PRG4: variants seen among roughly 807,000 people sequenced by gnomAD.
PRG4 encodes the protein proteoglycan 4.
PRG4 carries 61 observed loss-of-function variants against 91.2 expected under a neutral mutation model. The observed-to-expected ratio is 0.67, with a 90% CI of 0.54 to 0.83. The LOEUF is 0.83. Ranked by LOEUF, PRG4 falls within the 40% of genes least tolerant of loss-of-function variation. The pLI is 0.00. For missense variants in PRG4, 1,564 were observed against 1,714.2 expected, an observed-to-expected ratio of 0.91 and a Z score of 1.55; for synonymous variants, 576 against 614.2, an observed-to-expected ratio of 0.94 and a Z score of 0.92.
intron 4 of PRG4, among the ~76,000 whole-genome samples, chr1:186,303,261 C>T (rs1332082301): frequency 6.6e-6 from 1 of 152,086 alleles, no homozygotes; most frequent in African/African-American, 2.4e-5. Context: ...AGATCTGTTT[C>T]TCAAATTGAG....
chr1:186,312,672 G>T, intron 11 of PRG4, 97 bp from the exon 12 acceptor site: 1 of 1,306,674 alleles, frequency 7.7e-7, no homozygotes, highest in Non-Finnish European at 1.1e-6. Context: ...CTACATCAGA[G>T]GGCTAAAACT....
intron 8 of PRG4, among the ~76,000 whole-genome samples, chr1:186,310,437 G>C (rs1201745707): frequency 6.6e-6 from 1 of 152,114 alleles, no homozygotes; most frequent in Non-Finnish European, 1.5e-5. Flanking sequence ...TTAGTTCTAA[G>C]AGATAAAGAA....
intron 2 of PRG4, among the ~76,000 whole-genome samples, chr1:186,298,873 T>C (rs1464994421): frequency 2.0e-5 from 3 of 152,020 alleles, no homozygotes; most frequent in African/African-American, 4.8e-5. Flanking sequence ...TTTTTCTTTA[T>C]ATATAATATA....
At position 186,307,577 on chromosome 1, in the gene PRG4, AC is replaced by A. The variant is rs1656782016; in HGVS notation, c.1863del (p.Lys622ArgfsTer290). 1 of 1,527,836 alleles carries A rather than the reference AC, an allele frequency of 6.5e-7. No homozygotes were observed. The highest frequency in any genetic ancestry group is 1.9e-5 in the Admixed American group (1 of 52,230). 94.6% of individuals were successfully genotyped at this position (1,527,836 alleles called of 1,614,324 possible). A position where few individuals can be genotyped will look rare whatever the true frequency, so the allele number is the denominator to read the frequency against. ...TACCCCCAAGGAGACTGCACCCACCACCCCCAAGAAGCTCACGCCCACCACC... is the reference window on the plus strand; with the variant it reads ...TACCCCCAAGGAGACTGCACCCACCACCCCAAGAAGCTCACGCCCACCACC... The part of the protein sequence containing the change: ...PTTPKETAPT[T>X]PKKLTPTTPE... On this transcript the variant is annotated frameshift_variant, in exon 7 of 13. Coordinates refer to ENST00000445192, the MANE Select transcript of PRG4 (RefSeq NM_005807.6). LOFTEE classifies it high-confidence loss of function.
chr1:186,298,491 C>CT (rs552065983), intron 2 of PRG4, among the ~76,000 whole-genome samples: 197 of 146,456 alleles, frequency 1.3e-3, no homozygotes, highest in Middle Eastern at 3.5e-3. Flanking sequence ...ATGATTTCCT[C>CT]TTTTTTTTTT....
rs1277443701 is a variant in PRG4, at chr1:186,312,756, A to C, written c.3992-13A>C. On this transcript the variant is annotated splice_polypyrimidine_tract_variant and intron_variant, in intron 11 of 12. Transcript: ENST00000445192. ...TTTAATCTGGTATCTTTTATTAAAC[A>C]TGCCACTTACAGGTGTCCTTCATAA... 1 of 1,612,044 alleles carries C rather than the reference A, an allele frequency of 6.2e-7. No individual in the cohort carries two copies. The highest frequency in any genetic ancestry group is 1.7e-5 in the Admixed American group (1 of 59,990).
intron 4 of PRG4, 112 bp downstream of exon 4, chr1:186,301,823 A>G: frequency 1.4e-6 from 2 of 1,386,734 alleles, no homozygotes; most frequent in South Asian, 2.3e-5. Flanking sequence ...TGATTTTACT[A>G]ACATATAAGC....
rs1398090310 is a variant in PRG4 at position 186,306,796 on chromosome 1, A to T, written c.1077A>T (p.Ala359=). 2 of 1,611,696 alleles carry T rather than the reference A, an allele frequency of 1.2e-6. No individual in the cohort carries two copies. Among genetic ancestry groups the T allele is most frequent in the South Asian group, 1.1e-5 (1 of 90,974 alleles). The change falls in exon 7 of 13, where the codon GCA becomes GCT. Residue 359 remains alanine, a synonymous_variant. Transcript: ENST00000445192. ...EPTPTTPKEP[A]STTPKEPTPT... ...CGCCCACCACTCCCAAGGAGCCTGCATCTACCACACCCAAAGAGCCCACAC... is the reference window on the plus strand; with the variant it reads ...CGCCCACCACTCCCAAGGAGCCTGCTTCTACCACACCCAAAGAGCCCACAC...
intron 7 of PRG4, 147 bp downstream of exon 7, chr1:186,309,287 T>G (rs1242812934): frequency 3.6e-6 from 3 of 829,908 alleles, no homozygotes; most frequent in Non-Finnish European, 5.9e-6. Context: ...TCCCTGTAGG[T>G]AAGCAGAGGT....
chr1:186,304,696 T>C (rs1034503473), intron 5 of PRG4, 98 bp from the exon 6 acceptor site: 7 of 1,443,786 alleles, frequency 4.8e-6, no homozygotes, highest in East Asian at 2.3e-5. Context: ...CAGATACTTG[T>C]AGACTAGTAA....
chr1:186,301,903 C>G (rs1656243359), intron 4 of PRG4, among the ~76,000 whole-genome samples, 192 bp downstream of exon 4: 1 of 152,198 alleles, frequency 6.6e-6, no homozygotes, highest in African/African-American at 2.4e-5. Flanking sequence ...GCAGAACCCC[C>G]AGGCTCAGCC....
chr1:186,306,257 T>C, intron 6 of PRG4, 61 bp from the exon 7 acceptor site: 1 of 1,321,708 alleles, frequency 7.6e-7, no homozygotes, highest in Non-Finnish European at 1.0e-6. Flanking sequence ...ATGGGATCTT[T>C]ATGTCACTAT....
chr1:186,300,156 T>G lies in PRG4; in HGVS notation c.142T>G (p.Tyr48Asp), dbSNP rs1205077505. The stretch of plus-strand genomic sequence containing the variant: ...TAGAGATGCCACCTGCAACTGTGAT[T>G]ATAACTGTCAACACTACATGGAGTG... ...YSRDATCNCDYNCQHYMECCP... is the reference protein window; with the variant it reads ...YSRDATCNCDDNCQHYMECCP... Residue 48 changes from tyrosine (Y) to aspartate (D), a missense_variant, in exon 3 of 13, where the codon TAT (tyrosine) becomes GAT (aspartate). Physicochemically the swap from Tyr to Asp is radical, Grantham distance 160 (BLOSUM62 -3). This residue lies in a region of PRG4 where 437 missense variants were observed against 459.0 expected (regional missense o/e 0.95). Transcript: ENST00000445192. 1 of 1,614,170 alleles carries G rather than the reference T, an allele frequency of 6.2e-7. No homozygotes were observed.
At chr1:186,313,447 A>G in intron 12 of PRG4, 2 of 486,904 alleles carry the variant, frequency 4.1e-6, no homozygotes, top group South Asian at 2.5e-5. Context: ...CATAAAGGAG[A>G]GCTGAACCTG....
chr1:186,300,707 TTAAAGA>T (rs1223018064), intron 3 of PRG4, among the ~76,000 whole-genome samples: 2 of 152,240 alleles, frequency 1.3e-5, no homozygotes, highest in Non-Finnish European at 2.9e-5. Context: ...AAAAGACACT[TTAAAGA>T]TAAAGTGCTA....
intron 8 of PRG4, among the ~76,000 whole-genome samples, chr1:186,310,135 T>TG (rs33985418): frequency 0.27 from 22,914 of 85,874 alleles, 3,235 homozygotes; most frequent in South Asian, 0.37. Flanking sequence ...TCATTTTTTT[T>TG]GGGGGGGGGG....
chr1:186,308,817 C>G lies in PRG4; in HGVS notation c.3098C>G (p.Ser1033Cys). Residue 1033 changes from serine (S) to cysteine (C), a missense_variant, in exon 7 of 13, where the codon TCT becomes TGT. Physicochemically the swap from Ser to Cys is moderately radical, Grantham distance 112. Around this residue, in one of 3 missense-constraint regions of PRG4, gnomAD observed 1,079 missense variants for 1,162.2 expected, o/e 0.93. Coordinates refer to ENST00000445192, the MANE Select transcript of PRG4 (RefSeq NM_005807.6). ...ACCAAAGCACCCAAAAAACCCACTT[C>G]TACCAAAAAGCCAAAAACAATGCCT... The part of the protein sequence containing the change: ...KPTKAPKKPT[S>C]TKKPKTMPRV... The G allele has an allele frequency of 6.2e-7, 1 of 1,613,880 alleles. No homozygotes were observed. The highest frequency in any genetic ancestry group is 8.5e-7 in the Non-Finnish European group (1 of 1,179,952).
intron 2 of PRG4, 85 bp downstream of exon 2, chr1:186,297,036 C>G (rs1451286691): frequency 8.2e-7 from 1 of 1,222,028 alleles, no homozygotes; most frequent in Non-Finnish European, 1.2e-6. Context: ...AAATATATTT[C>G]TAAAAATTTA....
intron 2 of PRG4, among the ~76,000 whole-genome samples, chr1:186,298,383 A>AAAATAAAT (rs552206755): frequency 6.6e-6 from 1 of 152,166 alleles, no homozygotes; most frequent in Admixed American, 6.6e-5. Context: ...CTCTGTCTCA[A>AAAATAAAT]AAATAAATAA....
Sources: allele counts gnomAD v4.1 joint callset (sites outside exome capture counted in the v4.1 genomes callset), GRCh38; gene constraint gnomAD v4.1.1; regional missense constraint gnomAD v4.1.1; transcripts MANE v1.5; gene names NCBI Gene and HGNC (gene_info 2026-07-23, HGNC 2026-07-21).